The following SORCS1 variants were observed in gnomAD, a reference collection of about 807,000 sequenced individuals.
SORCS1 encodes the protein sortilin related VPS10 domain containing receptor 1.
SORCS1 carries 60 observed loss-of-function variants against 146.1 expected under a neutral mutation model. The ratio of observed to expected loss-of-function variants is 0.41; its 90% CI spans 0.33 to 0.51. The LOEUF (loss-of-function observed/expected upper bound fraction) is 0.51. Ranked by LOEUF, SORCS1 falls within the 20% of genes least tolerant of loss-of-function variation. The pLI is 0.21. For synonymous variants in SORCS1, 637 were observed against 584.0 expected (o/e 1.09, Z -1.31); for missense variants, 1,352 against 1,487.6 (o/e 0.91, Z 1.50).
Position 106,607,361 on chromosome 10 carries a change from T to A in SORCS1, c.3034-64A>T, listed in dbSNP as rs961693625. On this transcript the variant is annotated intron_variant, in intron 22 of 25. Coordinates refer to ENST00000263054, the MANE Select transcript of SORCS1 (RefSeq NM_052918.5). ...AGAAGAAAGCTGAGAAGGGACCAAG[T>A]ATTTGGTGGGGGGATCAGGGGTAGG... is the stretch of plus-strand genomic sequence containing the variant. The A allele has an allele frequency of 7.5e-6, 12 of 1,592,644 alleles. No homozygotes were observed. The African/African-American group carries it at 1.2e-4, about 16-fold the overall frequency.
At chr10:106,688,390 TTTG>T (rs1853033158) in intron 9 of SORCS1, 52 bp from the exon 10 acceptor site, 2 of 1,573,596 alleles carry the variant, frequency 1.3e-6, no homozygotes, top group Non-Finnish European at 8.6e-7. Context: ...AAGGGATATA[TTTG>T]TTTACTTTTT....
intron 5 of SORCS1, among the ~76,000 whole-genome samples, chr10:106,742,351 C>A (rs1040527323): frequency 2.0e-5 from 3 of 151,950 alleles, no homozygotes; most frequent in Admixed American, 1.3e-4. Context: ...TGTTTTATAA[C>A]ACCTTGTACA....
At chr10:107,011,515 T>G (rs914889899) in intron 1 of SORCS1, among the ~76,000 whole-genome samples, 2 of 152,200 alleles carry the variant, frequency 1.3e-5, no homozygotes, top group Non-Finnish European at 2.9e-5. Context: ...CAATGATCAC[T>G]CCATTAGATG....
chr10:107,094,571 C>G (rs553234909), intron 1 of SORCS1, among the ~76,000 whole-genome samples: 1 of 152,138 alleles, frequency 6.6e-6, no homozygotes, highest in Non-Finnish European at 1.5e-5. Context: ...GGTTTTTAAT[C>G]AAGGCTACAG....
rs750662843 is a variant in SORCS1 at position 106,675,114 on chromosome 10, G to A, written c.1875C>T (p.Phe625=). Residue 625 remains phenylalanine, a synonymous_variant, in exon 14 of 26, where the codon TTC becomes TTT. Transcript: ENST00000263054. ...DEGRSWSKYS[F]TSIPLFVDGV... ...CATCCACAAAAAGTGGAATAGATGTGAAACTGTATTTGCTCCAAGATCTCC... is the reference window on the plus strand; with the variant it reads ...CATCCACAAAAAGTGGAATAGATGTAAAACTGTATTTGCTCCAAGATCTCC... 6 of 1,613,696 alleles carry A rather than the reference G, an allele frequency of 3.7e-6. No homozygotes were observed. The East Asian group carries it at 1.3e-4, about 36-fold the overall frequency.
At chr10:106,595,594 GAAATCC>G (rs1845859501) in intron 24 of SORCS1, among the ~76,000 whole-genome samples, 1 of 152,120 alleles carries the variant, frequency 6.6e-6, no homozygotes, top group South Asian at 2.1e-4. Context: ...AATATTCTAT[GAAATCC>G]AATAAAGAAA....
intron 9 of SORCS1, among the ~76,000 whole-genome samples, chr10:106,690,982 G>A (rs1412814089): frequency 6.6e-6 from 1 of 152,060 alleles, no homozygotes; most frequent in Non-Finnish European, 1.5e-5. Context: ...TAGGACTTTG[G>A]CTATCAAGGG....
At chr10:106,689,107 A>G (rs1853103438) in intron 9 of SORCS1, among the ~76,000 whole-genome samples, 1 of 152,238 alleles carries the variant, frequency 6.6e-6, no homozygotes, top group African/African-American at 2.4e-5. Flanking sequence ...TTTTTATAAC[A>G]TGGTTGTTCT....
intron 17 of SORCS1, among the ~76,000 whole-genome samples, chr10:106,660,928 G>A (rs1475770979): frequency 6.6e-6 from 1 of 152,126 alleles, no homozygotes; most frequent in Non-Finnish European, 1.5e-5. Context: ...CTTAATAGCA[G>A]GAAGAAATCT....
At chr10:106,795,155 G>A (rs567786155) in intron 3 of SORCS1, among the ~76,000 whole-genome samples, 1 of 152,294 alleles carries the variant, frequency 6.6e-6, no homozygotes, top group South Asian at 2.1e-4. Flanking sequence ...ATGTAAATTT[G>A]GGGGATACCA....
At chr10:106,970,905 A>ATTTTTTT (rs34657393) in intron 1 of SORCS1, among the ~76,000 whole-genome samples, 1 of 96,488 alleles carries the variant, frequency 1.0e-5, no homozygotes, top group Non-Finnish European at 2.1e-5. Context: ...TGCACAGCTA[A>ATTTTTTT]TTTTTTTTTT....
intron 1 of SORCS1, among the ~76,000 whole-genome samples, chr10:106,992,824 TTC>T (rs56342786): frequency 0.033 from 3,127 of 94,182 alleles, 104 homozygotes; most frequent in Non-Finnish European, 0.045. Flanking sequence ...CTTTCTTTCT[TTC>T]TTTTTTTTTT....
chr10:106,911,858 A>T (rs1387177274), intron 2 of SORCS1, among the ~76,000 whole-genome samples: 1 of 152,188 alleles, frequency 6.6e-6, no homozygotes, highest in Non-Finnish European at 1.5e-5. Flanking sequence ...CACGCCTGTG[A>T]TCCCAGAACT....
At chr10:106,885,246 T>G (rs984464068) in intron 2 of SORCS1, among the ~76,000 whole-genome samples, 1 of 148,926 alleles carries the variant, frequency 6.7e-6, no homozygotes, top group Admixed American at 6.7e-5. Context: ...GTATGTATGA[T>G]TTTTTTTAGA....
chr10:106,682,980 T>C (rs765444522), intron 10 of SORCS1, among the ~76,000 whole-genome samples: 2 of 152,190 alleles, frequency 1.3e-5, no homozygotes, highest in East Asian at 1.9e-4. Flanking sequence ...ATATCATCAA[T>C]TGGTAAATTC....
chr10:107,158,255 T>C (rs2134896292), intron 1 of SORCS1, among the ~76,000 whole-genome samples: 1 of 152,338 alleles, frequency 6.6e-6, no homozygotes, highest in African/African-American at 2.4e-5. Flanking sequence ...TACCCAAATT[T>C]ACTACAAGAT....
chr10:106,825,046 A>G (rs1589482556), intron 3 of SORCS1, among the ~76,000 whole-genome samples: 1 of 151,932 alleles, frequency 6.6e-6, no homozygotes, highest in African/African-American at 2.4e-5. Context: ...CCAAAACAAA[A>G]CACTTTTTTT....
intron 5 of SORCS1, among the ~76,000 whole-genome samples, chr10:106,732,960 A>G (rs1856703956): frequency 6.6e-6 from 1 of 151,824 alleles, no homozygotes; most frequent in South Asian, 2.1e-4. Flanking sequence ...ATCTACTAAA[A>G]CTACAGAAAT....
chr10:107,123,140 T>A (rs1412580536), intron 1 of SORCS1, among the ~76,000 whole-genome samples: 9 of 148,942 alleles, frequency 6.0e-5, no homozygotes, highest in Non-Finnish European at 1.0e-4. Context: ...AAGCCCAAAG[T>A]GTCTGAAGAG....
Sources: gnomAD v4.1 joint callset for allele counts (sites outside exome capture counted in the v4.1 genomes callset) on GRCh38, gnomAD v4.1.1 for gene constraint, MANE v1.5 for transcripts, NCBI Gene and HGNC (gene_info 2026-07-23, HGNC 2026-07-21) for gene names.